ERG: variants seen among roughly 807,000 people sequenced by gnomAD.
ERG encodes the protein transcriptional regulator ERG.
ERG carries 9 observed loss-of-function variants against 55.3 expected under a neutral mutation model. The ratio of observed to expected loss-of-function variants is 0.16; its 90% CI spans 0.10 to 0.28. The LOEUF (loss-of-function observed/expected upper bound fraction) is 0.28, where lower values mean the gene tolerates loss of function less well. ERG is among the 10% of genes least tolerant of loss of function. The pLI is 1.00. For missense variants in ERG, 434 were observed against 631.6 expected, an observed-to-expected ratio of 0.69 and a Z score of 3.35; for synonymous variants, 223 against 237.3, an observed-to-expected ratio of 0.94 and a Z score of 0.55.
At chr21:38,566,030 T>A (rs1183747645) in intron 2 of ERG, among the ~76,000 whole-genome samples, 2 of 152,144 alleles carry the variant, frequency 1.3e-5, no homozygotes. Flanking sequence ...TTGTCACCCA[T>A]CAAATCAGCA....
At chr21:38,422,845 C>T (rs1196639444) in intron 3 of ERG, among the ~76,000 whole-genome samples, 2 of 152,078 alleles carry the variant, frequency 1.3e-5, no homozygotes, top group Non-Finnish European at 2.9e-5. Context: ...ATATATGGCT[C>T]CCACATGTTT....
At chr21:38,427,254 T>A (rs1304968357) in intron 2 of ERG, among the ~76,000 whole-genome samples, 2 of 152,124 alleles carry the variant, frequency 1.3e-5, no homozygotes, top group Non-Finnish European at 2.9e-5. Context: ...TTTGTATTTT[T>A]AGTAGAGACG....
chr21:38,400,116 T>C (rs1321562177), intron 6 of ERG: 1 of 340,992 alleles, frequency 2.9e-6, no homozygotes, highest in East Asian at 4.7e-5. Flanking sequence ...ATTAAATCAT[T>C]TGGAGGACAG....
intron 1 of ERG, among the ~76,000 whole-genome samples, chr21:38,456,937 C>T (rs911301997): frequency 2.6e-5 from 4 of 152,206 alleles, no homozygotes; most frequent in Admixed American, 6.5e-5. Context: ...GGGTAGACCC[C>T]GTCCTGGTAA....
In ERG at chr21:38,402,508, C is replaced by T. The variant is rs199923350; in HGVS notation, c.673+49G>A. 5.1e-4 allele frequency: 722 copies of T among 1,420,924 alleles called. 1 individual carries two copies. The highest frequency in any genetic ancestry group is 3.3e-3 in the African/African-American group (230 of 70,620). 88.0% of individuals were successfully genotyped at this position (1,420,924 alleles called of 1,614,324 possible). A position where few individuals can be genotyped will look rare whatever the true frequency, so the allele number is the denominator to read the frequency against. On this transcript the variant is annotated intron_variant, in intron 5 of 9. Coordinates refer to ENST00000288319, the MANE Select transcript of ERG (RefSeq NM_182918.4). ...TTCCCATGAAAGCATGCAACCTGTACGTAAGACCCTACGCTCTTGCTGGGA... is the reference window on the plus strand; with the variant it reads ...TTCCCATGAAAGCATGCAACCTGTATGTAAGACCCTACGCTCTTGCTGGGA...
chr21:38,410,610 T>A (rs73213841), intron 3 of ERG, among the ~76,000 whole-genome samples: 4,515 of 152,090 alleles, frequency 0.03, 90 homozygotes, highest in Middle Eastern at 0.099. Context: ...GGCTGACATT[T>A]AAAAAAAATA....
At chr21:38,616,734 C>A (rs1391363058) in intron 1 of ERG, among the ~76,000 whole-genome samples, 1 of 152,132 alleles carries the variant, frequency 6.6e-6, no homozygotes, top group East Asian at 1.9e-4. Flanking sequence ...TACCCTCCCC[C>A]ACCTCATTTT....
intron 1 of ERG, among the ~76,000 whole-genome samples, chr21:38,612,009 C>T (rs544162868): frequency 2.6e-5 from 4 of 152,108 alleles, no homozygotes; most frequent in Non-Finnish European, 5.9e-5. Flanking sequence ...TAGTTGGAGA[C>T]CTTTTAAATC....
At chr21:38,617,214 T>C (rs2060264232) in intron 1 of ERG, among the ~76,000 whole-genome samples, 1 of 152,224 alleles carries the variant, frequency 6.6e-6, no homozygotes, top group African/African-American at 2.4e-5. Context: ...GATGGCACCA[T>C]AAATATGACT....
At chr21:38,423,093 G>GTGTA (rs1198748421) in intron 3 of ERG, among the ~76,000 whole-genome samples, 3 of 144,366 alleles carry the variant, frequency 2.1e-5, no homozygotes, top group Middle Eastern at 3.5e-3. Flanking sequence ...TAGTGTGTGT[G>GTGTA]TGTGTGTGTG....
chr21:38,553,011 T>C (rs999000615), intron 2 of ERG, among the ~76,000 whole-genome samples: 2 of 152,058 alleles, frequency 1.3e-5, no homozygotes, highest in African/African-American at 4.8e-5. Context: ...ACAAAATCAA[T>C]GTACAAAAAT....
intron 2 of ERG, among the ~76,000 whole-genome samples, chr21:38,531,545 CT>C (rs1162696208): frequency 6.6e-6 from 1 of 151,956 alleles, no homozygotes; most frequent in Non-Finnish European, 1.5e-5. Context: ...TGGTAAAAGA[CT>C]TTAAAAAAAA....
upstream of ERG, among the ~76,000 whole-genome samples, chr21:38,501,562 C>T (rs1425191699): frequency 1.3e-5 from 2 of 152,120 alleles, no homozygotes; most frequent in East Asian, 3.9e-4. Context: ...CTGATACCTC[C>T]TCTCCCTAGG....
At chr21:38,395,277 G>A (rs1171905670) in intron 6 of ERG, 1 of 228,552 alleles carries the variant, frequency 4.4e-6, no homozygotes. Flanking sequence ...TCACTGAGAT[G>A]GGGGACAGCC....
upstream of ERG, among the ~76,000 whole-genome samples, chr21:38,502,220 T>C (rs543700477): frequency 6.6e-6 from 1 of 152,332 alleles, no homozygotes; most frequent in South Asian, 2.1e-4. Context: ...CTCAAAAACA[T>C]TGCAGGAAAA....
intron 6 of ERG, among the ~76,000 whole-genome samples, chr21:38,396,888 C>T (rs574217041): frequency 1.9e-4 from 29 of 151,870 alleles, no homozygotes; most frequent in East Asian, 9.7e-4. Flanking sequence ...GTGAGAAACA[C>T]GTGAAACATC....
At chr21:38,553,020 A>C (rs896038139) in intron 2 of ERG, among the ~76,000 whole-genome samples, 13 of 152,142 alleles carry the variant, frequency 8.5e-5, no homozygotes, top group African/African-American at 2.9e-4. Context: ...ATGTACAAAA[A>C]TCAGTAGCAT....
At chr21:38,503,874 C>G (rs562187232) in intron 2 of ERG, among the ~76,000 whole-genome samples, 26 of 152,116 alleles carry the variant, frequency 1.7e-4, no homozygotes, top group African/African-American at 6.0e-4. Flanking sequence ...TGAGAACATA[C>G]GCGGCATGAA....
At chr21:38,488,906 T>C (rs901965306) in intron 1 of ERG, among the ~76,000 whole-genome samples, 2 of 152,268 alleles carry the variant, frequency 1.3e-5, no homozygotes, top group Non-Finnish European at 2.9e-5. Flanking sequence ...AACGAGGTAC[T>C]GTAATCATTA....
Sources: gnomAD v4.1 joint callset for allele counts (sites outside exome capture counted in the v4.1 genomes callset) on GRCh38, gnomAD v4.1.1 for gene constraint, MANE v1.5 for transcripts, NCBI Gene and HGNC (gene_info 2026-07-23, HGNC 2026-07-21) for gene names.